CLPX: variants seen among roughly 807,000 people sequenced by gnomAD.
The protein encoded by CLPX is ATP-dependent clpX-like chaperone, mitochondrial.
A neutral mutation model predicts 76.4 loss-of-function variants in CLPX; 34 were observed. The ratio of observed to expected loss-of-function variants is 0.45; its 90% CI spans 0.34 to 0.59. The LOEUF (loss-of-function observed/expected upper bound fraction) is 0.59, where lower values mean the gene tolerates loss of function less well. Among genes scored for constraint, CLPX ranks in the 20% least tolerant of loss-of-function variants. The pLI is 0.01. For synonymous variants in CLPX, 248 were observed against 270.9 expected, an observed-to-expected ratio of 0.92 and a Z score of 0.83; for missense variants, 613 against 757.0, an observed-to-expected ratio of 0.81 and a Z score of 2.23.
Position 65,169,024 on chromosome 15 carries a change from CT to C in CLPX, c.359-2240del, listed in dbSNP as rs779469503. Among the ~76,000 whole-genome samples the C allele has an allele frequency of 3.3e-3, 449 of 135,370 alleles. 1 individual carries two copies. The highest frequency in any genetic ancestry group is 4.5e-3 in the African/African-American group (168 of 36,998). 88.8% of individuals were successfully genotyped at this position (135,370 alleles called of 152,430 possible). A position where few individuals can be genotyped will look rare whatever the true frequency, so the allele number is the denominator to read the frequency against. Reference sequence around the variant, plus strand: ...AGGCACACGCCACCACGCCTGCCTACTTTTTTTTTTTTTTTTTGAGATGGAG... The same window carrying C: ...AGGCACACGCCACCACGCCTGCCTACTTTTTTTTTTTTTTTTGAGATGGAG... On this transcript the variant is annotated intron_variant, in intron 3 of 13. Coordinates refer to ENST00000300107, the MANE Select transcript of CLPX (RefSeq NM_006660.5).
At position 65,162,633 on chromosome 15, in the gene CLPX, C is replaced by T; in HGVS notation, c.686G>A (p.Arg229Lys). The change falls in exon 6 of 14, where the codon AGA becomes AAA. Residue 229 changes from arginine (R) to lysine (K), a missense_variant. Coordinates refer to ENST00000300107, the MANE Select transcript of CLPX (RefSeq NM_006660.5). The part of the protein sequence containing the change: ...TSLTPRELEI[R>K]RREDEYRFTK... ...AAATCTGTACTCATCCTCCCGTCTTCTTATTTCTAACTCTAAGAAAGAGGA... is the reference window on the plus strand; with the variant it reads ...AAATCTGTACTCATCCTCCCGTCTTTTTATTTCTAACTCTAAGAAAGAGGA... The T allele has an allele frequency of 6.3e-7, 1 of 1,585,170 alleles. No homozygotes were observed. The highest frequency in any genetic ancestry group is 2.2e-5 in the East Asian group (1 of 44,474).
chr15:65,174,023 T>C (rs1451215346), intron 3 of CLPX, among the ~76,000 whole-genome samples: 2 of 152,214 alleles, frequency 1.3e-5, no homozygotes, highest in African/African-American at 4.8e-5. Flanking sequence ...TCGCCCAGGC[T>C]GGAGTGCAGT....
At chr15:65,183,354 G>C (rs1249055025) in intron 1 of CLPX, among the ~76,000 whole-genome samples, 2 of 149,740 alleles carry the variant, frequency 1.3e-5, no homozygotes, top group Admixed American at 6.7e-5. Context: ...CCAGCTACTC[G>C]GGAGGCTGAG....
intron 3 of CLPX, among the ~76,000 whole-genome samples, chr15:65,168,785 C>T (rs888079319): frequency 6.6e-6 from 1 of 151,642 alleles, no homozygotes; most frequent in Admixed American, 6.6e-5. Context: ...TGGATGAATA[C>T]ATTTATAAGG....
intron 7 of CLPX, 95 bp downstream of exon 7, chr15:65,158,480 G>A: frequency 9.9e-7 from 1 of 1,012,004 alleles, no homozygotes; most frequent in East Asian, 2.4e-5. Flanking sequence ...TTCTTCTCAA[G>A]AGCCGTAATA....
chr15:65,150,917 C>T lies in CLPX; in HGVS notation c.1812-4G>A. Reference sequence around the variant, plus strand: ...AGAGGATTCTTTTGTTGGAGCCCTACAATGAAAAGCCATGTTTGTTTTTTT... The same window carrying T: ...AGAGGATTCTTTTGTTGGAGCCCTATAATGAAAAGCCATGTTTGTTTTTTT... On this transcript the variant is annotated splice_region_variant and splice_polypyrimidine_tract_variant and intron_variant, in intron 13 of 13. Coordinates refer to ENST00000300107, the MANE Select transcript of CLPX (RefSeq NM_006660.5). The T allele has an allele frequency of 6.3e-7, 1 of 1,583,934 alleles. No individual in the cohort carries two copies. The highest frequency in any genetic ancestry group is 1.2e-5 in the South Asian group (1 of 86,728).
chr15:65,179,466 C>T (rs1000937686), intron 2 of CLPX, among the ~76,000 whole-genome samples: 2 of 152,178 alleles, frequency 1.3e-5, no homozygotes, highest in Non-Finnish European at 2.9e-5. Flanking sequence ...TTACTCACAT[C>T]AGAGTCACTG....
In CLPX at chr15:65,152,507, T is replaced by C; in HGVS notation, c.1734A>G (p.Glu578=). The change falls in exon 13 of 14, where the codon GAA becomes GAG. Residue 578 remains glutamate, a synonymous_variant. Transcript: ENST00000300107. ...CACATACGATATCAGAATTAGGGACTTCAAACATTGGTTCTAGTAACAGCT... is the reference window on the plus strand; with the variant it reads ...CACATACGATATCAGAATTAGGGACCTCAAACATTGGTTCTAGTAACAGCT... The part of the protein sequence containing the change: ...MEKLLLEPMF[E]VPNSDIVCVE... 6.5e-7 allele frequency: 1 copy of C among 1,537,266 alleles called. No homozygotes were observed. Among genetic ancestry groups the C allele is most frequent in the African/African-American group, 1.4e-5 (1 of 71,362 alleles).
Position 65,180,063 on chromosome 15 carries a change from C to T in CLPX, c.221G>A (p.Gly74Asp), listed in dbSNP as rs1422578722. The T allele has an allele frequency of 6.2e-7, 1 of 1,605,422 alleles. No homozygotes were observed. Among genetic ancestry groups the T allele is most frequent in the African/African-American group, 1.3e-5 (1 of 74,480 alleles). ...FASKDGISKD[G>D]SGDGNKKSAS... is the part of the protein sequence containing the mutation. ...AATTACCTTATTTCCATCTCCAGAACCATCTTTACTTATCCCATCTTTTGA... is the reference window on the plus strand; with the variant it reads ...AATTACCTTATTTCCATCTCCAGAATCATCTTTACTTATCCCATCTTTTGA... The change falls in exon 2 of 14, where the codon GGT (glycine) becomes GAT (aspartate). Residue 74 changes from glycine to aspartate, a missense_variant. Gly to Asp is a moderately conservative substitution (Grantham distance 94). This residue lies in a region of CLPX where 163 missense variants were observed against 118.4 expected (regional missense o/e 1.38). Coordinates refer to ENST00000300107, the MANE Select transcript of CLPX (RefSeq NM_006660.5).
intron 1 of CLPX, among the ~76,000 whole-genome samples, chr15:65,180,903 C>CA (rs1251123572): frequency 0.012 from 1,224 of 102,800 alleles, 12 homozygotes; most frequent in African/African-American, 0.032. Flanking sequence ...GACTCCATCT[C>CA]AAAAAAAAAA....
intron 3 of CLPX, among the ~76,000 whole-genome samples, chr15:65,175,274 T>C (rs545680250): frequency 1.1e-3 from 168 of 152,234 alleles, no homozygotes; most frequent in African/African-American, 3.8e-3. Flanking sequence ...TCACCTGAGG[T>C]CAGGAATTCG....
intron 3 of CLPX, among the ~76,000 whole-genome samples, chr15:65,170,389 T>A (rs908903103): frequency 6.6e-6 from 1 of 152,084 alleles, no homozygotes; most frequent in African/African-American, 2.4e-5. Flanking sequence ...ATCCACAGAT[T>A]ATAGGGAACA....
intron 3 of CLPX, among the ~76,000 whole-genome samples, chr15:65,173,441 T>C (rs1418581201): frequency 2.0e-5 from 3 of 151,516 alleles, no homozygotes; most frequent in Non-Finnish European, 1.5e-5. Context: ...AACCCTCATA[T>C]TGCTGGTCAG....
Position 65,152,508 on chromosome 15 carries a change from T to C in CLPX, c.1733A>G (p.Glu578Gly). The C allele has an allele frequency of 6.5e-7, 1 of 1,538,774 alleles. No homozygotes were observed. The highest frequency in any genetic ancestry group is 8.7e-7 in the Non-Finnish European group (1 of 1,143,452). Residue 578 changes from glutamate to glycine, a missense_variant, in exon 13 of 14, where the codon GAA becomes GGA. By Grantham distance (98) the Glu-to-Gly change is moderately conservative. Transcript: ENST00000300107. Reference protein sequence around the residue: ...MEKLLLEPMFEVPNSDIVCVE... With the variant: ...MEKLLLEPMFGVPNSDIVCVE... ...ACATACGATATCAGAATTAGGGACT[T>C]CAAACATTGGTTCTAGTAACAGCTT...
chr15:65,149,311 TAAAAATACAAAAA>T lies in CLPX; in HGVS notation c.*1499_*1511del, dbSNP rs2087689777. On this transcript the variant is annotated 3_prime_UTR_variant, in exon 14 of 14. Coordinates refer to ENST00000300107, the MANE Select transcript of CLPX (RefSeq NM_006660.5). ...CAACATGGCGAAACCCCGTCTCTAC[TAAAAATACAAAAA>T]ATTAGCCAGGTGTGGTGGTGCACGC... The T allele has an allele frequency of 1.1e-5, 2 of 176,210 alleles. No homozygotes were observed. Among genetic ancestry groups the T allele is most frequent in the African/African-American group, 4.8e-5 (2 of 41,760 alleles). 10.9% of individuals were successfully genotyped at this position (176,210 alleles called of 1,614,324 possible). A position where few individuals can be genotyped will look rare whatever the true frequency, so the allele number is the denominator to read the frequency against.
intron 2 of CLPX, 61 bp downstream of exon 2, chr15:65,179,983 A>G (rs1226248935): frequency 1.6e-6 from 2 of 1,253,640 alleles, no homozygotes; most frequent in East Asian, 2.4e-5. Context: ...CAGTACTGTT[A>G]TATTTTTTTA....
At position 65,177,486 on chromosome 15, in the gene CLPX, C is replaced by T. The variant is rs139128423; in HGVS notation, c.358+1448G>A. On this transcript the variant is annotated intron_variant, in intron 3 of 13. Transcript: ENST00000300107. ...ACATAAAAACACACTACATCTAGTA[C>T]CTTTTCATATGGTGGCCAATTATGG... Among the ~76,000 whole-genome samples, 109 of 152,230 alleles carry T rather than the reference C, an allele frequency of 7.2e-4. 1 individual carries two copies. The highest frequency in any genetic ancestry group is 2.6e-3 in the African/African-American group (107 of 41,546).
In CLPX at chr15:65,153,618, C is replaced by T. The variant is rs766490296; in HGVS notation, c.1633G>A (p.Asp545Asn). ...AATCTGGCTATAGCTTTCAAAGCAT[C>T]CTCAGTAACATTCAGTTCACACTAC... is the stretch of plus-strand genomic sequence containing the variant. Reference protein sequence around the residue: ...MDKCELNVTEDALKAIARLAL... With the variant: ...MDKCELNVTENALKAIARLAL... The change falls in exon 12 of 14, where the codon GAT becomes AAT. Residue 545 changes from aspartate (D) to asparagine (N), a missense_variant. Asp to Asn is a conservative substitution (Grantham distance 23, BLOSUM62 1). Coordinates refer to ENST00000300107, the MANE Select transcript of CLPX (RefSeq NM_006660.5). The T allele has an allele frequency of 1.9e-6, 3 of 1,583,598 alleles. No homozygotes were observed. Among genetic ancestry groups the T allele is most frequent in the Non-Finnish European group, 2.6e-6 (3 of 1,166,520 alleles).
At chr15:65,163,975 A>C in intron 5 of CLPX, 54 bp downstream of exon 5, 1 of 1,480,636 alleles carries the variant, frequency 6.8e-7, no homozygotes, top group East Asian at 2.3e-5. Flanking sequence ...TTACAAATAA[A>C]GATTACTTTT....
Sources: gnomAD v4.1 joint callset for allele counts (sites outside exome capture counted in the v4.1 genomes callset) on GRCh38, gnomAD v4.1.1 for gene constraint, gnomAD v4.1.1 regional missense constraint, MANE v1.5 for transcripts, NCBI Gene and HGNC (gene_info 2026-07-23, HGNC 2026-07-21) for gene names.